Variants in DZIP3 observed in about 807,000 individuals in gnomAD.
DZIP3 encodes the protein E3 ubiquitin-protein ligase DZIP3.
Under a neutral mutation model 162.0 loss-of-function variants are expected in DZIP3, and 118 were observed. That is an observed-to-expected ratio of 0.73 (90% CI 0.63 to 0.85). The LOEUF is 0.85. Among genes scored for constraint, DZIP3 ranks in the 40% least tolerant of loss-of-function variants. The pLI is 0.00. For synonymous variants in DZIP3, 438 were observed against 458.6 expected (o/e 0.96, Z 0.57); for missense variants, 1,331 against 1,407.0 (o/e 0.95, Z 0.86).
At chr3:108,620,447 G>A (rs1441071211) in intron 5 of DZIP3, among the ~76,000 whole-genome samples, 1 of 152,174 alleles carries the variant, frequency 6.6e-6, no homozygotes, top group African/African-American at 2.4e-5. Context: ...TTGCAAGCAG[G>A]ACTTAATAAG....
At chr3:108,638,842 C>T (rs1942269410) in intron 12 of DZIP3, among the ~76,000 whole-genome samples, 1 of 152,168 alleles carries the variant, frequency 6.6e-6, no homozygotes, top group Non-Finnish European at 1.5e-5. Context: ...CTTTCAGAAG[C>T]TTCTCATTGC....
rs769535160 is a variant in DZIP3 at position 108,662,183 on chromosome 3, G to A, written c.2349G>A (p.Met783Ile). The A allele has an allele frequency of 4.3e-6, 7 of 1,609,268 alleles. No homozygotes were observed. The South Asian group carries it at 7.8e-5, about 18-fold the overall frequency. The change falls in exon 21 of 33, where the codon ATG becomes ATA. Residue 783 changes from methionine to isoleucine, a missense_variant. By Grantham distance (10) the Met-to-Ile change is conservative. Transcript: ENST00000361582. ...TVTFRWQENQ[M>I]QIKKKDKIIA... Reference sequence around the variant, plus strand: ...CTTTTCGGTGGCAAGAAAACCAAATGCAGATTAAAAAGAAAGACAAAATTA... The same window carrying A: ...CTTTTCGGTGGCAAGAAAACCAAATACAGATTAAAAAGAAAGACAAAATTA...
chr3:108,659,550 T>C (rs1179053219), intron 19 of DZIP3, among the ~76,000 whole-genome samples: 1 of 152,034 alleles, frequency 6.6e-6, no homozygotes, highest in African/African-American at 2.4e-5. Context: ...GGGCAAAAAC[T>C]GGAAGCATTC....
intron 28 of DZIP3, 65 bp downstream of exon 28, chr3:108,686,649 T>C: frequency 7.2e-7 from 1 of 1,386,718 alleles, no homozygotes; most frequent in Non-Finnish European, 9.4e-7. Flanking sequence ...GCCATAATTG[T>C]GGCAATGAAA....
At chr3:108,675,175 C>A (rs1363039742) in intron 24 of DZIP3, among the ~76,000 whole-genome samples, 1 of 151,810 alleles carries the variant, frequency 6.6e-6, no homozygotes, top group Non-Finnish European at 1.5e-5. Context: ...GATAATAGAC[C>A]CTAACAACTT....
At chr3:108,663,374 TG>T (rs1943529693) in intron 21 of DZIP3, among the ~76,000 whole-genome samples, 1 of 151,820 alleles carries the variant, frequency 6.6e-6, no homozygotes, top group African/African-American at 2.4e-5. Context: ...CTGACCAACA[TG>T]GAAAAACCCC....
intron 19 of DZIP3, among the ~76,000 whole-genome samples, chr3:108,658,061 G>A (rs1007972357): frequency 7.3e-6 from 1 of 137,446 alleles, no homozygotes; most frequent in Non-Finnish European, 1.7e-5. Flanking sequence ...ACACCCCACT[G>A]TCAACATTAG....
intron 19 of DZIP3, among the ~76,000 whole-genome samples, chr3:108,658,125 C>G (rs970713486): frequency 7.9e-5 from 12 of 152,154 alleles, no homozygotes; most frequent in Non-Finnish European, 1.5e-4. Context: ...GAACTCAGCT[C>G]TGCACCAAGC....
At chr3:108,674,546 T>C (rs1301687331) in intron 24 of DZIP3, among the ~76,000 whole-genome samples, 5 of 151,934 alleles carry the variant, frequency 3.3e-5, no homozygotes, top group African/African-American at 1.2e-4. Flanking sequence ...CTCAGAGACA[T>C]ACGTGAACAC....
intron 5 of DZIP3, 150 bp downstream of exon 5, chr3:108,616,807 C>T (rs1367839871): frequency 5.4e-6 from 3 of 560,280 alleles, no homozygotes; most frequent in East Asian, 6.3e-5. Flanking sequence ...AATTGATTGC[C>T]TTCCTGTGTC....
chr3:108,668,677 A>G (rs896342406), intron 21 of DZIP3, among the ~76,000 whole-genome samples: 1 of 151,994 alleles, frequency 6.6e-6, no homozygotes, highest in African/African-American at 2.4e-5. Context: ...CCTCTTTTGT[A>G]CAGAAAGAGA....
intron 4 of DZIP3, 140 bp from the exon 5 acceptor site, chr3:108,616,401 T>A (rs1941015598): frequency 4.2e-6 from 2 of 478,564 alleles, no homozygotes; most frequent in South Asian, 3.5e-5. Context: ...ATCTGGTTGG[T>A]ATGGATTTTT....
chr3:108,622,924 G>C (rs1485170104), intron 5 of DZIP3, among the ~76,000 whole-genome samples: 1 of 148,690 alleles, frequency 6.7e-6, no homozygotes, highest in Non-Finnish European at 1.5e-5. Context: ...CTGGGGGAGG[G>C]GTGACACAAG....
At chr3:108,655,785 G>A (rs1188729583) in intron 19 of DZIP3, among the ~76,000 whole-genome samples, 1 of 152,162 alleles carries the variant, frequency 6.6e-6, no homozygotes, top group African/African-American at 2.4e-5. Flanking sequence ...GGAAAATCGG[G>A]TCACTCCCAC....
intron 15 of DZIP3, among the ~76,000 whole-genome samples, chr3:108,647,212 TTC>T (rs1942663852): frequency 2.0e-5 from 3 of 152,248 alleles, no homozygotes; most frequent in African/African-American, 7.2e-5. Context: ...CCTTCCTGCT[TTC>T]TCTGTTTGGT....
chr3:108,592,226 G>A (rs1293132245), intron 1 of DZIP3, among the ~76,000 whole-genome samples: 1 of 152,132 alleles, frequency 6.6e-6, no homozygotes, highest in Non-Finnish European at 1.5e-5. Flanking sequence ...GATAATTGAG[G>A]TGGAGATACA....
intron 15 of DZIP3, 85 bp from the exon 16 acceptor site, chr3:108,647,838 ATTTCTGTTTTGTGAATGTTG>A (rs1427426090): frequency 3.4e-6 from 3 of 873,124 alleles, no homozygotes; most frequent in Non-Finnish European, 5.2e-6. Context: ...GATATATTTT[ATTTCTGTTTTGTGAATGTTG>A]CTTTTTTGGG....
intron 31 of DZIP3, among the ~76,000 whole-genome samples, chr3:108,689,312 C>T (rs1396241035): frequency 6.6e-6 from 1 of 152,224 alleles, no homozygotes; most frequent in Non-Finnish European, 1.5e-5. Context: ...TGACAGCCCC[C>T]TTTCATAAAG....
intron 26 of DZIP3, among the ~76,000 whole-genome samples, chr3:108,679,286 C>G (rs138946547): frequency 5.3e-5 from 8 of 152,206 alleles, no homozygotes; most frequent in African/African-American, 1.7e-4. Flanking sequence ...CTGTCTGATA[C>G]AAGTGATATT....
Sources: allele counts gnomAD v4.1 joint callset (sites outside exome capture counted in the v4.1 genomes callset), GRCh38; gene constraint gnomAD v4.1.1; transcripts MANE v1.5; gene names NCBI Gene and HGNC (gene_info 2026-07-23, HGNC 2026-07-21).